Variants in CHRM5 observed in about 807,000 individuals in gnomAD.
CHRM5 encodes muscarinic acetylcholine receptor M5.
In CHRM5, 18 loss-of-function variants were observed where a neutral mutation model predicts 39.0. The ratio of observed to expected loss-of-function variants is 0.46; its 90% CI spans 0.32 to 0.68. The LOEUF (loss-of-function observed/expected upper bound fraction) is 0.68. CHRM5 is among the 30% of genes least tolerant of loss of function. The pLI is 0.04. For synonymous variants in CHRM5, 241 were observed against 246.3 expected, an observed-to-expected ratio of 0.98 and a Z score of 0.20; for missense variants, 515 against 651.1, an observed-to-expected ratio of 0.79 and a Z score of 2.28.
intron 1 of CHRM5, among the ~76,000 whole-genome samples, chr15:33,989,096 G>A (rs1396226395): frequency 1.3e-5 from 2 of 151,690 alleles, no homozygotes; most frequent in African/African-American, 4.9e-5. Context: ...CAAGTTCCCT[G>A]TATCACCTCT....
chr15:33,972,024 C>T (rs761365054), intron 1 of CHRM5: 1 of 151,988 alleles, frequency 6.6e-6, no homozygotes, highest in Non-Finnish European at 1.5e-5. Flanking sequence ...AGTCATATCA[C>T]CAAGACACTA....
intron 1 of CHRM5, among the ~76,000 whole-genome samples, chr15:34,008,257 C>T (rs1169183971): frequency 2.6e-5 from 4 of 151,690 alleles, no homozygotes; most frequent in East Asian, 2.0e-4. Context: ...CCTATCTCCA[C>T]GAAAAAGATA....
intron 1 of CHRM5, among the ~76,000 whole-genome samples, chr15:34,025,149 G>T (rs1015841440): frequency 6.6e-6 from 1 of 152,128 alleles, no homozygotes; most frequent in Admixed American, 6.6e-5. Context: ...CACCCTGGGC[G>T]ATGGAGTGAG....
chr15:34,046,210 C>A (rs1899674628), intron 1 of CHRM5, among the ~76,000 whole-genome samples: 1 of 152,060 alleles, frequency 6.6e-6, no homozygotes, highest in Non-Finnish European at 1.5e-5. Context: ...AGTTTTCATA[C>A]TCAACTATCA....
In CHRM5 at chr15:34,063,188, C is replaced by T; in HGVS notation, c.471C>T (p.Ile157=). 6.2e-7 allele frequency: 1 copy of T among 1,614,192 alleles called. No homozygotes were observed. Among genetic ancestry groups the T allele is most frequent in the Non-Finnish European group, 8.5e-7 (1 of 1,180,034 alleles). The part of the protein sequence containing the change: ...AGIMIGLAWL[I]SFILWAPAIL... The stretch of plus-strand genomic sequence containing the variant: ...TCATGATTGGCTTGGCCTGGCTGAT[C>T]TCCTTCATCCTCTGGGCCCCAGCAA... The change falls in exon 3 of 3, where the codon ATC becomes ATT. Residue 157 remains isoleucine (I), a synonymous_variant. Coordinates refer to ENST00000383263, the MANE Select transcript of CHRM5 (RefSeq NM_012125.4). This position sits in a 1 kb window ranked among gnomAD's most constrained non-coding sequence, Gnocchi z 4.1.
chr15:34,062,702 A>G lies in CHRM5; in HGVS notation c.-16A>G, dbSNP rs779566627. 3.8e-6 allele frequency: 6 copies of G among 1,592,070 alleles called. No individual in the cohort carries two copies. The highest frequency in any genetic ancestry group is 5.1e-6 in the Non-Finnish European group (6 of 1,167,978). ...CTAGAACCTAACACTATTTACTGTAAAATTTTTGCACCAGGATGGAAGGGG... is the reference window on the plus strand; with the variant it reads ...CTAGAACCTAACACTATTTACTGTAGAATTTTTGCACCAGGATGGAAGGGG... On this transcript the variant is annotated 5_prime_UTR_variant, in exon 3 of 3. Transcript: ENST00000383263.
chr15:34,006,785 GAAGT>G (rs1597341120), intron 1 of CHRM5, among the ~76,000 whole-genome samples: 1 of 152,124 alleles, frequency 6.6e-6, no homozygotes. Context: ...AGAGTAGTAA[GAAGT>G]AATATAATAA....
intron 1 of CHRM5, among the ~76,000 whole-genome samples, chr15:34,006,302 C>T (rs998424417): frequency 3.4e-5 from 5 of 145,206 alleles, no homozygotes; most frequent in Admixed American, 1.4e-4. Context: ...CAGAGCGAGA[C>T]TCCGTCTCAA....
intron 1 of CHRM5, among the ~76,000 whole-genome samples, chr15:34,025,757 C>CGTGTGTGT (rs150188349): frequency 7.5e-6 from 1 of 132,940 alleles, no homozygotes; most frequent in Non-Finnish European, 1.7e-5. Flanking sequence ...TTTGGTTTTG[C>CGTGTGTGT]GTGTGTGTGT....
intron 1 of CHRM5, among the ~76,000 whole-genome samples, chr15:34,036,955 C>A (rs533423327): frequency 6.6e-6 from 1 of 152,024 alleles, no homozygotes; most frequent in Non-Finnish European, 1.5e-5. Flanking sequence ...ATTAAAAATA[C>A]AAAATTAGCC....
chr15:34,000,640 C>T lies in CHRM5; in HGVS notation c.-408+31490C>T, dbSNP rs560488053. On this transcript the variant is annotated intron_variant, in intron 1 of 2. Transcript: ENST00000383263. ...TGGTCAGCTTACCTAGAAAACACTG[C>T]ATACTCTAGAATTTTTATTATCAGA... Among the ~76,000 whole-genome samples, 5 of 152,320 alleles carry T rather than the reference C, an allele frequency of 3.3e-5. No homozygotes were observed. The South Asian group carries it at 1.0e-3, about 32-fold the overall frequency.
Position 34,064,280 on chromosome 15 carries a change from G to A in CHRM5, c.1563G>A (p.Glu521=). Residue 521 remains glutamate (E), a synonymous_variant, in exon 3 of 3, where the codon GAG becomes GAA. Transcript: ENST00000383263. ...GATGGAAAAAGAAAAAAGTGGAAGA[G>A]AAGTTGTACTGGCAGGGGAACAGCA... The part of the protein sequence containing the change: ...LCRWKKKKVE[E]KLYWQGNSKL... 6.2e-7 allele frequency: 1 copy of A among 1,614,036 alleles called. No homozygotes were observed. Among genetic ancestry groups the A allele is most frequent in the Non-Finnish European group, 8.5e-7 (1 of 1,179,970 alleles).
At chr15:33,974,560 T>G (rs998868872) in intron 1 of CHRM5, among the ~76,000 whole-genome samples, 1 of 152,196 alleles carries the variant, frequency 6.6e-6, no homozygotes, top group African/African-American at 2.4e-5. Flanking sequence ...CTAGAATTCA[T>G]CAACATGTGT....
At chr15:34,057,734 T>C (rs776698667) in intron 2 of CHRM5, among the ~76,000 whole-genome samples, 7 of 152,138 alleles carry the variant, frequency 4.6e-5, no homozygotes, top group Non-Finnish European at 1.0e-4. Context: ...GGGTTCCAGC[T>C]TCAGTGAGCT....
At chr15:34,010,147 C>T (rs1390625430) in intron 1 of CHRM5, among the ~76,000 whole-genome samples, 1 of 152,038 alleles carries the variant, frequency 6.6e-6, no homozygotes, top group Non-Finnish European at 1.5e-5. Flanking sequence ...CAAAAGGAAC[C>T]ATATGCTTAA....
At chr15:34,013,922 G>A (rs1040709177) in intron 1 of CHRM5, among the ~76,000 whole-genome samples, 3 of 152,144 alleles carry the variant, frequency 2.0e-5, no homozygotes, top group African/African-American at 7.2e-5. Flanking sequence ...GCTATCTTCC[G>A]CCTGCTGACT....
intron 1 of CHRM5, among the ~76,000 whole-genome samples, chr15:33,983,128 CTGTGTGTGTGTGTGTGTG>C (rs373285133): frequency 7.4e-6 from 1 of 135,266 alleles, no homozygotes; most frequent in Non-Finnish European, 1.6e-5. Context: ...TGTCCATACT[CTGTGTGTGTGTGTGTGTG>C]TGTGTGTGTG....
At chr15:34,016,481 T>C (rs1897918271) in intron 1 of CHRM5, among the ~76,000 whole-genome samples, 2 of 152,070 alleles carry the variant, frequency 1.3e-5, no homozygotes, top group South Asian at 2.1e-4. Flanking sequence ...GACTCTTTTT[T>C]CTTACAAATT....
intron 1 of CHRM5, among the ~76,000 whole-genome samples, chr15:33,981,591 T>C (rs144132589): frequency 6.6e-6 from 1 of 152,288 alleles, no homozygotes; most frequent in East Asian, 1.9e-4. Context: ...TAGCCAACTG[T>C]ATGCATACCA....
Sources: allele counts gnomAD v4.1 joint callset (sites outside exome capture counted in the v4.1 genomes callset), GRCh38; gene constraint gnomAD v4.1.1; non-coding constraint Gnocchi (gnomAD v3.1); transcripts MANE v1.5; gene names NCBI Gene and HGNC (gene_info 2026-07-23, HGNC 2026-07-21).